The following PPP2R2A variants were observed in gnomAD, a reference collection of about 807,000 sequenced individuals.
PPP2R2A encodes the protein protein phosphatase 2 regulatory subunit Balpha.
A neutral mutation model predicts 53.2 loss-of-function variants in PPP2R2A; 9 were observed. The observed-to-expected ratio is 0.17, with a 90% confidence interval of 0.10 to 0.30. PPP2R2A has a LOEUF of 0.30. Among genes scored for constraint, PPP2R2A ranks in the 10% least tolerant of loss-of-function variants. The probability of loss-of-function intolerance (pLI) is 1.00; values close to 1 mark genes in which losing one functional copy is unlikely to be tolerated. For missense variants in PPP2R2A, 235 were observed against 534.6 expected (o/e 0.44, Z 5.53); for synonymous variants, 169 against 174.2 (o/e 0.97, Z 0.23).
chr8:26,357,295 C>A (rs79185401), intron 4 of PPP2R2A, among the ~76,000 whole-genome samples: 1 of 128,864 alleles, frequency 7.8e-6, no homozygotes, highest in Non-Finnish European at 1.7e-5. Flanking sequence ...CCCCCCCCCC[C>A]AATATAATGG....
chr8:26,326,602 T>C (rs1360232055), intron 2 of PPP2R2A, among the ~76,000 whole-genome samples: 2 of 152,188 alleles, frequency 1.3e-5, no homozygotes, highest in Non-Finnish European at 2.9e-5. Flanking sequence ...TAGGGAGATA[T>C]TAATAGCCAG....
chr8:26,360,655 G>T lies in PPP2R2A; in HGVS notation c.460-319G>T, dbSNP rs1230999926. 3 of 313,858 alleles carry T rather than the reference G, an allele frequency of 9.6e-6. No homozygotes were observed. The highest frequency in any genetic ancestry group is 6.5e-5 in the African/African-American group (3 of 46,434). 19.4% of individuals were successfully genotyped at this position (313,858 alleles called of 1,614,324 possible). ...AAATACCAAGAATTAGATGTTATGG[G>T]TTAATTTTCTTTTTAGCCTCTTTAA... On this transcript the variant is annotated intron_variant, in intron 5 of 9. Transcript: ENST00000380737. This position sits in a 1 kb window ranked among gnomAD's most constrained non-coding sequence, Gnocchi z 4.5.
Position 26,370,119 on chromosome 8 carries a change from T to G in PPP2R2A, c.1065-15T>G, listed in dbSNP as rs778877382. 1 of 1,608,012 alleles carries G rather than the reference T, an allele frequency of 6.2e-7. No homozygotes were observed. Among genetic ancestry groups the G allele is most frequent in the South Asian group, 1.1e-5 (1 of 90,730 alleles). On this transcript the variant is annotated splice_polypyrimidine_tract_variant and intron_variant, in intron 9 of 9. Coordinates refer to ENST00000380737, the MANE Select transcript of PPP2R2A (RefSeq NM_002717.4). This position sits in a 1 kb window ranked among gnomAD's most constrained non-coding sequence, Gnocchi z 6.1. ...GTTCTGCTTGTTTGACTGAGTGTAC[T>G]GTCTATTTTCACAGTGTTGTCATGA... is the stretch of plus-strand genomic sequence containing the variant.
chr8:26,325,357 T>TGCC (rs1803035905), intron 2 of PPP2R2A, among the ~76,000 whole-genome samples: 1 of 152,102 alleles, frequency 6.6e-6, no homozygotes, highest in African/African-American at 2.4e-5. Context: ...ATTTTTCTCT[T>TGCC]GCCGCCGCCA....
intron 3 of PPP2R2A, among the ~76,000 whole-genome samples, chr8:26,347,260 A>C (rs1454491235): frequency 6.6e-6 from 1 of 151,338 alleles, no homozygotes; most frequent in Non-Finnish European, 1.5e-5. Flanking sequence ...TCCAGGTTAG[A>C]TTGAAATTCC....
chr8:26,323,072 C>G (rs1802921453), intron 2 of PPP2R2A, among the ~76,000 whole-genome samples: 1 of 152,196 alleles, frequency 6.6e-6, no homozygotes, highest in African/African-American at 2.4e-5. Context: ...TGTGCAGTCT[C>G]CTTTTTTACC....
In PPP2R2A at chr8:26,365,948, T is replaced by C. The variant is rs117888833; in HGVS notation, c.973-367T>C. On this transcript the variant is annotated intron_variant, in intron 8 of 9. Coordinates refer to ENST00000380737, the MANE Select transcript of PPP2R2A (RefSeq NM_002717.4). The stretch of plus-strand genomic sequence containing the variant: ...CAGTTTCAGTGTTGTTATCAGTAGT[T>C]AATGGACTGAAAGCCAAGAATAGTG... 740 of 166,716 alleles carry C rather than the reference T, an allele frequency of 4.4e-3. 7 individuals are homozygous for C. The highest frequency in any genetic ancestry group is 0.034 in the South Asian group (200 of 5,830). The allele number at this position is 166,716 out of a possible 1,614,324, so 10.3% of individuals were successfully genotyped here. A position where few individuals can be genotyped will look rare whatever the true frequency, so the allele number is the denominator to read the frequency against.
intron 2 of PPP2R2A, among the ~76,000 whole-genome samples, chr8:26,302,010 A>G (rs181681233): frequency 7.9e-5 from 12 of 152,336 alleles, no homozygotes; most frequent in African/African-American, 2.6e-4. Flanking sequence ...CATGTCTATT[A>G]AACGTTCTGC....
intron 2 of PPP2R2A, among the ~76,000 whole-genome samples, chr8:26,334,809 C>T (rs1350149359): frequency 3.3e-5 from 5 of 152,162 alleles, no homozygotes; most frequent in Admixed American, 6.5e-5. Context: ...TAGACCTGTG[C>T]TGTCCAGTCT....
At chr8:26,322,316 G>T (rs553933836) in intron 2 of PPP2R2A, among the ~76,000 whole-genome samples, 1 of 152,160 alleles carries the variant, frequency 6.6e-6, no homozygotes, top group Non-Finnish European at 1.5e-5. Context: ...ATTTGTTTTC[G>T]TTGATTTTCT....
intron 3 of PPP2R2A, among the ~76,000 whole-genome samples, chr8:26,346,952 TTTA>T (rs1454509480): frequency 6.6e-6 from 1 of 152,192 alleles, no homozygotes; most frequent in Non-Finnish European, 1.5e-5. Flanking sequence ...GTGTCATGCA[TTTA>T]CCTGCATCAT....
chr8:26,356,206 C>T lies in PPP2R2A; in HGVS notation c.346+1573C>T, dbSNP rs3808570. ...TGCAGAATATATACTTAAATGACTT[C>T]AGGATGAAATGGGGGAAGAAATTCA... On this transcript the variant is annotated intron_variant, in intron 4 of 9. Transcript: ENST00000380737. Among the ~76,000 whole-genome samples, 10 of 152,322 alleles carry T rather than the reference C, an allele frequency of 6.6e-5. No individual in the cohort carries two copies. In the East Asian group the frequency reaches 1.9e-3, roughly 29 times the overall value.
intron 9 of PPP2R2A, among the ~76,000 whole-genome samples, chr8:26,368,115 C>T (rs899053299): frequency 6.6e-6 from 1 of 152,202 alleles, no homozygotes; most frequent in Non-Finnish European, 1.5e-5. Context: ...TACATTAAAA[C>T]CACGCAAACT....
intron 2 of PPP2R2A, among the ~76,000 whole-genome samples, chr8:26,326,169 A>G (rs890390659): frequency 7.2e-5 from 11 of 152,200 alleles, no homozygotes; most frequent in African/African-American, 2.7e-4. Context: ...CTGTCTAATG[A>G]TAACCATATT....
At chr8:26,366,831 G>A (rs1805404025) in intron 9 of PPP2R2A, among the ~76,000 whole-genome samples, 1 of 152,062 alleles carries the variant, frequency 6.6e-6, no homozygotes, top group African/African-American at 2.4e-5. Flanking sequence ...TGTATGTTAT[G>A]TATGATGTTA....
chr8:26,334,608 G>A (rs1429745821), intron 2 of PPP2R2A, among the ~76,000 whole-genome samples: 1 of 152,054 alleles, frequency 6.6e-6, no homozygotes, highest in Non-Finnish European at 1.5e-5. Flanking sequence ...AGCCGGTGGT[G>A]GTGGCAGGTG....
chr8:26,306,934 A>G (rs1478976565), intron 2 of PPP2R2A, among the ~76,000 whole-genome samples: 1 of 152,184 alleles, frequency 6.6e-6, no homozygotes, highest in African/African-American at 2.4e-5. Flanking sequence ...AGATGCCATC[A>G]CAGGTTTCTT....
At chr8:26,303,751 T>A (rs1185524094) in intron 2 of PPP2R2A, among the ~76,000 whole-genome samples, 3 of 151,660 alleles carry the variant, frequency 2.0e-5, no homozygotes, top group African/African-American at 2.4e-5. Context: ...GAATGTAATT[T>A]AAAAAAAAAC....
At chr8:26,298,350 T>G (rs1308460182) in intron 2 of PPP2R2A, among the ~76,000 whole-genome samples, 1 of 152,234 alleles carries the variant, frequency 6.6e-6, no homozygotes, top group Non-Finnish European at 1.5e-5. Context: ...TCCGCTGGGT[T>G]CCTTGGTGCT....
Sources: gnomAD v4.1 joint callset for allele counts (sites outside exome capture counted in the v4.1 genomes callset) on GRCh38, gnomAD v4.1.1 for gene constraint, Gnocchi (gnomAD v3.1) non-coding constraint, MANE v1.5 for transcripts, NCBI Gene and HGNC (gene_info 2026-07-23, HGNC 2026-07-21) for gene names.